Variants in HERC2 observed in about 807,000 individuals in gnomAD.
HERC2 encodes the protein HECT and RLD domain containing E3 ubiquitin protein ligase 2, also known as E3 ubiquitin-protein ligase HERC2.
HERC2 carries 102 observed loss-of-function variants against 537.7 expected under a neutral mutation model. The ratio of observed to expected loss-of-function variants is 0.19; its 90% CI spans 0.16 to 0.22. The LOEUF (loss-of-function observed/expected upper bound fraction) is 0.22. Among genes scored for constraint, HERC2 ranks in the 10% least tolerant of loss-of-function variants. HERC2 has a pLI of 1.00. For synonymous variants in HERC2, 2,224 were observed against 2,466.2 expected (o/e 0.90, Z 2.91); for missense variants, 4,236 against 6,198.2 (o/e 0.68, Z 10.63).
intron 79 of HERC2, among the ~76,000 whole-genome samples, chr15:28,134,168 T>C (rs2142180699): frequency 6.6e-6 from 1 of 152,334 alleles, no homozygotes; most frequent in African/African-American, 2.4e-5. Flanking sequence ...TAGTCTTCTG[T>C]CTACAGGGTC....
rs535997950 is a variant in HERC2 at position 28,229,341 on chromosome 15, G to A, written c.5126C>T (p.Pro1709Leu). ...LIPEGIDIGEPLTDCLKDVDL... is the reference protein window; with the variant it reads ...LIPEGIDIGELLTDCLKDVDL... ...AACATCCTTTAAACAATCAGTAAGA[G>A]GTTCCCTTTCAAATAAAGATAAAGA... is the stretch of plus-strand genomic sequence containing the variant. Residue 1709 changes from proline to leucine, a missense_variant, in exon 34 of 93, where the codon CCT becomes CTT. Transcript: ENST00000261609. The A allele has an allele frequency of 3.1e-6, 5 of 1,612,790 alleles. No individual in the cohort carries two copies. In the South Asian group the frequency reaches 3.3e-5, roughly 11 times the overall value.
chr15:28,191,331 C>T, intron 53 of HERC2, 87 bp from the exon 54 acceptor site: 1 of 799,748 alleles, frequency 1.3e-6, no homozygotes, highest in South Asian at 1.6e-5. Flanking sequence ...AAGCTTGAAT[C>T]TACATGAGAT....
intron 30 of HERC2, among the ~76,000 whole-genome samples, chr15:28,231,864 GA>G (rs1901890048): frequency 6.6e-6 from 1 of 151,400 alleles, no homozygotes; most frequent in Non-Finnish European, 1.5e-5. Flanking sequence ...AAACCAGCTT[GA>G]AACAACACAC....
chr15:28,190,800 G>A, intron 55 of HERC2, 165 bp downstream of exon 55: 1 of 615,334 alleles, frequency 1.6e-6, no homozygotes, highest in South Asian at 2.0e-5. Context: ...AGCAAATTCA[G>A]TTGTACAAAA....
chr15:28,294,500 A>G (rs928527591), intron 3 of HERC2, among the ~76,000 whole-genome samples: 1 of 149,454 alleles, frequency 6.7e-6, no homozygotes, highest in African/African-American at 2.5e-5. Context: ...CTGCCTTGAC[A>G]TTGGTAAAAT....
chr15:28,313,024 G>A (rs530245023), intron 2 of HERC2, among the ~76,000 whole-genome samples: 2 of 152,178 alleles, frequency 1.3e-5, no homozygotes, highest in African/African-American at 4.8e-5. Context: ...GGCTGTGAGA[G>A]GTGGGATTTG....
chr15:28,216,013 T>C (rs1010646345), intron 38 of HERC2, among the ~76,000 whole-genome samples: 4 of 145,618 alleles, frequency 2.7e-5, no homozygotes, highest in African/African-American at 7.6e-5. Flanking sequence ...TCAATTTTTC[T>C]TTTTTTTTTT....
intron 37 of HERC2, 151 bp from the exon 38 acceptor site, chr15:28,218,822 C>T: frequency 1.4e-6 from 1 of 718,660 alleles, no homozygotes; most frequent in South Asian, 1.7e-5. Context: ...ATTGAAAGTA[C>T]AGAGATTTAT....
intron 22 of HERC2, among the ~76,000 whole-genome samples, chr15:28,246,399 C>T (rs910653105): frequency 1.3e-5 from 2 of 152,032 alleles, no homozygotes; most frequent in Non-Finnish European, 2.9e-5. Flanking sequence ...AAAGTTAAAA[C>T]ATACCAGGTA....
intron 52 of HERC2, among the ~76,000 whole-genome samples, chr15:28,195,678 G>A (rs368617361): frequency 0.046 from 6,971 of 151,860 alleles, 499 homozygotes; most frequent in African/African-American, 0.16. Flanking sequence ...TGGGGTAAGG[G>A]GAAGTAGGGC....
rs142779606 is a variant in HERC2, at chr15:28,111,847, G to A, written c.14421C>T (p.Ala4807=). The A allele has an allele frequency of 9.3e-6, 15 of 1,614,052 alleles. No individual in the cohort carries two copies. Among genetic ancestry groups the A allele is most frequent in the African/African-American group, 4.0e-5 (3 of 74,906 alleles). ...TATCTGAATCGTCGCTGCTGTCGTC[G>A]GCGGCTGGCTCTCCTGTAAGTGCGA... ...ARIALTGEPA[A]DDSSDDSDNE... Residue 4807 remains alanine, a synonymous_variant, in exon 93 of 93, where the codon GCC becomes GCT. Coordinates refer to ENST00000261609, the MANE Select transcript of HERC2 (RefSeq NM_004667.6).
intron 2 of HERC2, among the ~76,000 whole-genome samples, chr15:28,304,956 A>C (rs1226008221): frequency 1.4e-5 from 2 of 146,652 alleles, no homozygotes; most frequent in Non-Finnish European, 3.0e-5. Flanking sequence ...ATGAGTGAGA[A>C]TATGCGGTGT....
In HERC2 at chr15:28,196,438, T is replaced by C. The variant is rs575696212; in HGVS notation, c.8120+23A>G. 5 of 1,596,938 alleles carry C rather than the reference T, an allele frequency of 3.1e-6. No individual in the cohort carries two copies. In the Admixed American group the frequency reaches 5.1e-5, roughly 16 times the overall value. ...AAAACCATTCGTCCCAAAGCAAATC[T>C]AGCAACCATAAAAATAACTCACGTA... On this transcript the variant is annotated intron_variant, in intron 51 of 92. Coordinates refer to ENST00000261609, the MANE Select transcript of HERC2 (RefSeq NM_004667.6).
intron 55 of HERC2, among the ~76,000 whole-genome samples, chr15:28,187,077 G>A (rs1250208192): frequency 6.6e-6 from 1 of 152,188 alleles, no homozygotes; most frequent in Non-Finnish European, 1.5e-5. Flanking sequence ...GAACCAAGAT[G>A]CTTTAACTAA....
intron 83 of HERC2, among the ~76,000 whole-genome samples, chr15:28,128,800 T>C (rs1373867590): frequency 6.6e-6 from 1 of 152,146 alleles, no homozygotes; most frequent in African/African-American, 2.4e-5. Context: ...GAGAGTTTCC[T>C]TGCTCATTCA....
chr15:28,198,561 C>G, intron 49 of HERC2, 40 bp downstream of exon 49: 1 of 1,608,616 alleles, frequency 6.2e-7, no homozygotes, highest in Non-Finnish European at 8.5e-7. Flanking sequence ...AATTTTGTCT[C>G]TAAGAAAAAA....
chr15:28,275,360 A>G (rs16950979), intron 5 of HERC2, among the ~76,000 whole-genome samples: 10,360 of 152,314 alleles, frequency 0.068, 872 homozygotes, highest in East Asian at 0.42. Context: ...ACCAGGCCGG[A>G]GAAGAGCTGG....
Position 28,245,898 on chromosome 15 carries a change from G to T in HERC2, c.3560C>A (p.Ala1187Asp). ...CGCCGTACCCATTATGCCAGGCCAG[G>T]CTAACTCTTCATGATCATCCCGTTC... ...GKERDDHEEL[A>D]WPGIMESFFT... Residue 1187 changes from alanine (A) to aspartate (D), a missense_variant, in exon 23 of 93, where the codon GCC (alanine) becomes GAC (aspartate). This residue lies in a region of HERC2 where 754 missense variants were observed against 1,085.0 expected (regional missense o/e 0.69). Transcript: ENST00000261609. 1 of 1,613,990 alleles carries T rather than the reference G, an allele frequency of 6.2e-7. No homozygotes were observed. The highest frequency in any genetic ancestry group is 8.5e-7 in the Non-Finnish European group (1 of 1,179,984).
chr15:28,280,820 G>A (rs1168295583), intron 4 of HERC2, among the ~76,000 whole-genome samples: 2 of 152,094 alleles, frequency 1.3e-5, no homozygotes, highest in Non-Finnish European at 2.9e-5. Flanking sequence ...TGAGGCACGA[G>A]AATTGCCTGA....
Sources: allele counts gnomAD v4.1 joint callset (sites outside exome capture counted in the v4.1 genomes callset), GRCh38; gene constraint gnomAD v4.1.1; regional missense constraint gnomAD v4.1.1; transcripts MANE v1.5; gene names NCBI Gene and HGNC (gene_info 2026-07-23, HGNC 2026-07-21).